Variants in ADAM32 observed in about 807,000 individuals in gnomAD.
ADAM32 encodes the protein disintegrin and metalloproteinase domain-containing protein 32.
A neutral mutation model predicts 114.9 loss-of-function variants in ADAM32; 89 were observed. The observed-to-expected ratio is 0.77, with a 90% CI of 0.65 to 0.92. The LOEUF (loss-of-function observed/expected upper bound fraction) is 0.92. Among genes scored for constraint, ADAM32 ranks in the 40% least tolerant of loss-of-function variants. The pLI is 0.00. For synonymous variants in ADAM32, 285 were observed against 307.5 expected (o/e 0.93, Z 0.77); for missense variants, 870 against 932.8 (o/e 0.93, Z 0.88).
chr8:39,264,303 G>T (rs181406971), intron 19 of ADAM32, among the ~76,000 whole-genome samples: 1 of 152,196 alleles, frequency 6.6e-6, no homozygotes, highest in Admixed American at 6.5e-5. Flanking sequence ...TGTGTTTCTA[G>T]GTATTCATCT....
At chr8:39,261,436 C>A (rs1189077291) in intron 19 of ADAM32, among the ~76,000 whole-genome samples, 1 of 152,172 alleles carries the variant, frequency 6.6e-6, no homozygotes, top group Non-Finnish European at 1.5e-5. Flanking sequence ...TGTATCTACA[C>A]CACATTTTCT....
chr8:39,219,976 T>A (rs1808840011), intron 12 of ADAM32, among the ~76,000 whole-genome samples: 1 of 152,178 alleles, frequency 6.6e-6, no homozygotes, highest in African/African-American at 2.4e-5. Flanking sequence ...ATTGGTCAAG[T>A]GTTAAATTAC....
chr8:39,220,298 T>C (rs1808867817), intron 12 of ADAM32, among the ~76,000 whole-genome samples: 1 of 152,196 alleles, frequency 6.6e-6, no homozygotes, highest in Non-Finnish European at 1.5e-5. Context: ...GATAGATCTT[T>C]CTGCAACCCT....
chr8:39,275,239 T>C (rs970283291), intron 21 of ADAM32, among the ~76,000 whole-genome samples: 1 of 152,238 alleles, frequency 6.6e-6, no homozygotes, highest in African/African-American at 2.4e-5. Context: ...TGATGTGGCT[T>C]ATGAAACTGA....
chr8:39,154,531 T>G (rs1429786124), intron 6 of ADAM32, among the ~76,000 whole-genome samples: 1 of 152,210 alleles, frequency 6.6e-6, no homozygotes, highest in Non-Finnish European at 1.5e-5. Context: ...GTAGAATGAT[T>G]TATAATCCTT....
At chr8:39,275,287 T>C (rs1813003352) in intron 21 of ADAM32, among the ~76,000 whole-genome samples, 1 of 152,250 alleles carries the variant, frequency 6.6e-6, no homozygotes, top group Non-Finnish European at 1.5e-5. Flanking sequence ...TTAGTTTGTA[T>C]TTACCTTTCG....
chr8:39,137,202 G>C (rs946616712), intron 3 of ADAM32, among the ~76,000 whole-genome samples: 4 of 152,112 alleles, frequency 2.6e-5, no homozygotes, highest in Admixed American at 2.6e-4. Context: ...TTTTCTATAG[G>C]GTTTAATTCT....
intron 19 of ADAM32, among the ~76,000 whole-genome samples, chr8:39,268,788 A>G (rs1265096641): frequency 5.3e-5 from 8 of 152,216 alleles, no homozygotes; most frequent in Non-Finnish European, 1.0e-4. Context: ...TGGAAATAGT[A>G]TATTTTGTAC....
intron 9 of ADAM32, 198 bp from the exon 10 acceptor site, chr8:39,169,718 G>A (rs1293434347): frequency 2.3e-6 from 1 of 430,818 alleles, no homozygotes; most frequent in Non-Finnish European, 4.1e-6. Context: ...GATATCAAGA[G>A]TGTTTAATCT....
At chr8:39,145,561 A>G (rs986146413) in intron 3 of ADAM32, among the ~76,000 whole-genome samples, 2 of 152,292 alleles carry the variant, frequency 1.3e-5, no homozygotes, top group African/African-American at 2.4e-5. Flanking sequence ...GAAGGATCCA[A>G]ATAAAGGGAC....
intron 14 of ADAM32, 42 bp from the exon 15 acceptor site, chr8:39,231,985 C>G: frequency 6.8e-7 from 1 of 1,467,624 alleles, no homozygotes; most frequent in East Asian, 2.3e-5. Context: ...AGATGAAAAA[C>G]CAATAAACAT....
intron 16 of ADAM32, among the ~76,000 whole-genome samples, chr8:39,240,482 A>G (rs564451277): frequency 4.6e-5 from 7 of 152,366 alleles, no homozygotes; most frequent in Admixed American, 3.9e-4. Context: ...CTGAAAGAGA[A>G]AAAATAGACA....
chr8:39,174,960 G>A (rs894690903), intron 10 of ADAM32, among the ~76,000 whole-genome samples: 2 of 152,098 alleles, frequency 1.3e-5, no homozygotes, highest in African/African-American at 2.4e-5. Context: ...GTGAGTGGGA[G>A]TTCATTCATG....
chr8:39,141,656 T>C (rs1008083646), intron 3 of ADAM32, among the ~76,000 whole-genome samples: 2 of 152,214 alleles, frequency 1.3e-5, no homozygotes, highest in African/African-American at 4.8e-5. Flanking sequence ...CTGAGAAGAA[T>C]GTATATACTG....
chr8:39,283,446 G>T, intron 23 of ADAM32, 140 bp from the exon 24 acceptor site: 1 of 541,464 alleles, frequency 1.8e-6, no homozygotes, highest in Non-Finnish European at 3.0e-6. Flanking sequence ...ATGGAAAAGA[G>T]GTAGAAATTT....
intron 2 of ADAM32, among the ~76,000 whole-genome samples, chr8:39,130,556 A>G (rs1166422508): frequency 1.3e-5 from 2 of 152,104 alleles, no homozygotes; most frequent in African/African-American, 4.8e-5. Flanking sequence ...CTCTACAAGC[A>G]TTGCTTTAGC....
intron 11 of ADAM32, among the ~76,000 whole-genome samples, chr8:39,198,921 T>G (rs1029328974): frequency 2.6e-5 from 4 of 152,204 alleles, no homozygotes; most frequent in Non-Finnish European, 5.9e-5. Flanking sequence ...TTCTTTGTTT[T>G]TTTCTTGTCT....
At chr8:39,284,378 T>TACACACACACACACACACACACACAC (rs367964426) in intron 24 of ADAM32, among the ~76,000 whole-genome samples, 8 of 142,032 alleles carry the variant, frequency 5.6e-5, no homozygotes, top group Admixed American at 2.8e-4. Context: ...CACACACACG[T>TACACACACACACACACACACACACAC]ACACACACAC....
intron 3 of ADAM32, among the ~76,000 whole-genome samples, chr8:39,137,680 A>G (rs1802886092): frequency 6.6e-6 from 1 of 151,548 alleles, no homozygotes; most frequent in Admixed American, 6.6e-5. Context: ...CTGAGGCAGG[A>G]GAATCGCTTG....
Sources: allele counts gnomAD v4.1 joint callset (sites outside exome capture counted in the v4.1 genomes callset), GRCh38; gene constraint gnomAD v4.1.1; transcripts MANE v1.5; gene names NCBI Gene and HGNC (gene_info 2026-07-23, HGNC 2026-07-21).